IGSF9B: variants seen among roughly 807,000 people sequenced by gnomAD.
The protein encoded by IGSF9B is immunoglobulin superfamily member 9B, also known as protein turtle homolog B.
IGSF9B carries 48 observed loss-of-function variants against 143.7 expected under a neutral mutation model. That is an observed-to-expected ratio of 0.33 (90% CI 0.26 to 0.42). The LOEUF (loss-of-function observed/expected upper bound fraction) is 0.42. Among genes scored for constraint, IGSF9B ranks in the 20% least tolerant of loss-of-function variants. The pLI is 1.00. For missense variants in IGSF9B, 1,706 were observed against 1,980.0 expected (o/e 0.86, Z 2.63); for synonymous variants, 903 against 833.1 (o/e 1.08, Z -1.44).
At chr11:133,912,110 G>C in intron 18 of IGSF9B, 103 bp from the exon 19 acceptor site, 1 of 1,361,844 alleles carries the variant, frequency 7.3e-7, no homozygotes. Flanking sequence ...GAAGGACAGA[G>C]TTCAGTCCTA....
intron 1 of IGSF9B, among the ~76,000 whole-genome samples, chr11:133,947,870 T>C (rs1040357539): frequency 1.3e-5 from 2 of 152,138 alleles, no homozygotes; most frequent in African/African-American, 4.8e-5. Context: ...TGCCTGTCTG[T>C]CTGCCTATCT....
chr11:133,926,525 G>A (rs1033052593), intron 13 of IGSF9B, among the ~76,000 whole-genome samples: 3 of 152,238 alleles, frequency 2.0e-5, no homozygotes, highest in African/African-American at 4.8e-5. Flanking sequence ...CCAGGAAGGT[G>A]GCCTGGAAGA....
Position 133,920,902 on chromosome 11 carries a change from AC to A in IGSF9B, c.2822del (p.Gly941ValfsTer52). ...TGGCCTGAAGCCGACCTTCCAGGCC[AC>A]CGGGGCCCTCCAGCCCGCGGGGCTG... Reference protein sequence around the residue: ...RFQPRGLEGPGGLEGRLQATG... With the variant: ...RFQPRGLEGPXGLEGRLQATG... On this transcript the variant is annotated frameshift_variant, in exon 18 of 20. Coordinates refer to ENST00000533871, the MANE Select transcript of IGSF9B (RefSeq NM_001277285.4). LOFTEE classifies it high-confidence loss of function. The A allele has an allele frequency of 6.2e-7, 1 of 1,608,810 alleles. No homozygotes were observed. The highest frequency in any genetic ancestry group is 8.5e-7 in the Non-Finnish European group (1 of 1,177,898).
intron 3 of IGSF9B, among the ~76,000 whole-genome samples, chr11:133,942,200 C>G (rs1008133662): frequency 6.6e-6 from 1 of 152,090 alleles, no homozygotes; most frequent in African/African-American, 2.4e-5. Context: ...ACATAATTAC[C>G]CACATGTAAT....
intron 15 of IGSF9B, among the ~76,000 whole-genome samples, chr11:133,923,983 A>C (rs1444479915): frequency 1.3e-5 from 2 of 151,836 alleles, no homozygotes; most frequent in African/African-American, 4.8e-5. Context: ...TTTAAAGCCC[A>C]TTGATGCCTA....
chr11:133,927,539 G>A (rs1220277752), intron 12 of IGSF9B, among the ~76,000 whole-genome samples: 2 of 152,196 alleles, frequency 1.3e-5, no homozygotes, highest in African/African-American at 2.4e-5. Flanking sequence ...GTAGGGCCTC[G>A]GGTAACCCAC....
Position 133,905,477 on chromosome 11 carries a change from C to T in IGSF9B, c.*3592G>A, listed in dbSNP as rs1939197128. 6.6e-6 allele frequency among the ~76,000 whole-genome samples: 1 copy of T among 152,108 alleles called. No individual in the cohort carries two copies. Among genetic ancestry groups the T allele is most frequent in the Non-Finnish European group, 1.5e-5 (1 of 68,032 alleles). On this transcript the variant is annotated 3_prime_UTR_variant, in exon 20 of 20. Transcript: ENST00000533871. This position sits in a 1 kb window ranked among gnomAD's most constrained non-coding sequence, Gnocchi z 4.0. ...CCCAGTTTCCTCAGCACAAAAAGGG[C>T]AGAGGAATAAATTAAATCAGTTCAA... is the stretch of plus-strand genomic sequence containing the variant.
At position 133,909,716 on chromosome 11, in the gene IGSF9B, C is replaced by A. The variant is rs556884330; in HGVS notation, c.4106-439G>T. ...ATCGCATGCAACGGTCAGGCCTTGA[C>A]CCTTCCTGGACTGCCTGGGCCTCTC... On this transcript the variant is annotated intron_variant, in intron 19 of 19. Coordinates refer to ENST00000533871, the MANE Select transcript of IGSF9B (RefSeq NM_001277285.4). The surrounding 1 kb of genome is among the most constrained non-coding windows in gnomAD (Gnocchi z 4.2). Among the ~76,000 whole-genome samples the A allele has an allele frequency of 9.2e-5, 14 of 152,334 alleles. No individual in the cohort carries two copies. In the South Asian group the frequency reaches 2.9e-3, roughly 32 times the overall value.
intron 18 of IGSF9B, chr11:133,919,218 T>C (rs1049240570): frequency 2.7e-6 from 1 of 367,720 alleles, no homozygotes; most frequent in Admixed American, 3.3e-5. Flanking sequence ...AGTCCGGCGC[T>C]CACTAGGGCT....
intron 5 of IGSF9B, 116 bp from the exon 6 acceptor site, chr11:133,936,310 G>T: frequency 1.1e-6 from 1 of 897,580 alleles, no homozygotes; most frequent in Non-Finnish European, 1.7e-6. Flanking sequence ...TGCGATGGGG[G>T]CGGCTGTCAT....
At position 133,922,587 on chromosome 11, in the gene IGSF9B, T is replaced by C. The variant is rs1565427174; in HGVS notation, c.2263A>G (p.Lys755Glu). Residue 755 changes from lysine (K) to glutamate (E), a missense_variant, in exon 16 of 20, where the codon AAG becomes GAG. Around this residue, in one of 7 missense-constraint regions of IGSF9B, gnomAD observed 135 missense variants for 181.3 expected, o/e 0.74. Transcript: ENST00000533871. ...ACFVNKQRKR[K>E]LKRKKDPPLS... ...CACCCACCTTTTTTGCGCTTGAGCT[T>C]ACGCTTGCGCTGCTTGTTGACAAAG... 3.7e-6 allele frequency: 6 copies of C among 1,611,506 alleles called. No individual in the cohort carries two copies. Among genetic ancestry groups the C allele is most frequent in the Non-Finnish European group, 5.1e-6 (6 of 1,178,670 alleles).
At chr11:133,936,421 G>A (rs1032612173) in intron 5 of IGSF9B, among the ~76,000 whole-genome samples, 5 of 151,720 alleles carry the variant, frequency 3.3e-5, no homozygotes, top group Admixed American at 6.6e-5. Flanking sequence ...CCCCCTTCCT[G>A]CCTGCCTTCT....
chr11:133,912,355 C>G, intron 18 of IGSF9B: 1 of 483,818 alleles, frequency 2.1e-6, no homozygotes, highest in South Asian at 1.5e-5. Context: ...GGCTGAACGT[C>G]TGGAGTTCCT....
At chr11:133,950,429 C>A (rs1408354636) in intron 1 of IGSF9B, among the ~76,000 whole-genome samples, 1 of 152,238 alleles carries the variant, frequency 6.6e-6, no homozygotes, top group Non-Finnish European at 1.5e-5. Flanking sequence ...CGCTGTCTCC[C>A]ATTGAAAAAT....
intron 18 of IGSF9B, among the ~76,000 whole-genome samples, chr11:133,915,161 G>A (rs1939357196): frequency 6.6e-6 from 1 of 152,080 alleles, no homozygotes; most frequent in African/African-American, 2.4e-5. Context: ...CTTCTCCCAG[G>A]AAGTCAGGGG....
At chr11:133,952,720 T>TATGCACACATGCAGGGGCACACAC in intron 1 of IGSF9B, among the ~76,000 whole-genome samples, 1 of 151,808 alleles carries the variant, frequency 6.6e-6, no homozygotes, top group Middle Eastern at 3.4e-3. Context: ...GGGGCACATA[T>TATGCACACATGCAGGGGCACACAC]ATGCACACAT....
At chr11:133,923,797 T>C (rs912221138) in intron 15 of IGSF9B, among the ~76,000 whole-genome samples, 21 of 152,350 alleles carry the variant, frequency 1.4e-4, no homozygotes, top group Non-Finnish European at 2.9e-5. Flanking sequence ...TGCCAGGAGC[T>C]GGCATAGAGC....
chr11:133,921,073 G>A lies in IGSF9B; in HGVS notation c.2652C>T (p.Asp884=), dbSNP rs1197924869. Residue 884 remains aspartate, a synonymous_variant, in exon 18 of 20, where the codon GAC becomes GAT. Coordinates refer to ENST00000533871, the MANE Select transcript of IGSF9B (RefSeq NM_001277285.4). ...CCGACTGGCGGAACTCGGGGTACATGTCCGTCTCCTCGGCGAAGGGGAAGC... is the reference window on the plus strand; with the variant it reads ...CCGACTGGCGGAACTCGGGGTACATATCCGTCTCCTCGGCGAAGGGGAAGC... ...IEGFPFAEET[D]MYPEFRQSDE... is the part of the protein sequence containing the mutation. 3 of 1,613,916 alleles carry A rather than the reference G, an allele frequency of 1.9e-6. No homozygotes were observed. The highest frequency in any genetic ancestry group is 2.5e-6 in the Non-Finnish European group (3 of 1,179,872).
chr11:133,956,783 T>G lies in IGSF9B; in HGVS notation c.-29A>C. On this transcript the variant is annotated 5_prime_UTR_variant, in exon 1 of 20. An upstream start codon of the reference 5' UTR is lost. Coordinates refer to ENST00000533871, the MANE Select transcript of IGSF9B (RefSeq NM_001277285.4). Reference sequence around the variant, plus strand: ...ACTACCGCGCCAGCCCGGAGCCTCATCCTATCGCAAAGTGCTCCCGCGCCC... The same window carrying G: ...ACTACCGCGCCAGCCCGGAGCCTCAGCCTATCGCAAAGTGCTCCCGCGCCC... 1 of 1,430,570 alleles carries G rather than the reference T, an allele frequency of 7.0e-7. No homozygotes were observed. Among genetic ancestry groups the G allele is most frequent in the Non-Finnish European group, 9.3e-7 (1 of 1,075,638 alleles). 88.6% of individuals were successfully genotyped at this position (1,430,570 alleles called of 1,614,324 possible).
Sources: gnomAD v4.1 joint callset for allele counts (sites outside exome capture counted in the v4.1 genomes callset) on GRCh38, gnomAD v4.1.1 for gene constraint, gnomAD v4.1.1 regional missense constraint, Gnocchi (gnomAD v3.1) non-coding constraint, MANE v1.5 for transcripts, NCBI Gene and HGNC (gene_info 2026-07-23, HGNC 2026-07-21) for gene names.